The following CACNA1A variants were observed in gnomAD, a reference collection of about 807,000 sequenced individuals.
CACNA1A encodes calcium voltage-gated channel subunit alpha1 A.
In CACNA1A, 57 loss-of-function variants were observed where a neutral mutation model predicts 262.4. The ratio of observed to expected loss-of-function variants is 0.22; its 90% CI spans 0.18 to 0.27. The LOEUF (loss-of-function observed/expected upper bound fraction) is 0.27. CACNA1A is among the 10% of genes least tolerant of loss of function. The pLI is 1.00. For synonymous variants in CACNA1A, 1,431 were observed against 1,419.3 expected (o/e 1.01, Z -0.18); for missense variants, 2,526 against 3,562.8 (o/e 0.71, Z 7.41).
chr19:13,245,088 C>T lies in CACNA1A; in HGVS notation c.4950+94G>A, dbSNP rs16038. On this transcript the variant is annotated intron_variant, in intron 31 of 46. Coordinates refer to ENST00000360228, the MANE Select transcript of CACNA1A (RefSeq NM_001127222.2). Reference sequence around the variant, plus strand: ...TGCTGGCTCAAGCAGCTATGGCTTCCGGGACACACTGCCTCTGGGACCGCT... The same window carrying T: ...TGCTGGCTCAAGCAGCTATGGCTTCTGGGACACACTGCCTCTGGGACCGCT... 5.7e-4 allele frequency: 595 copies of T among 1,050,796 alleles called. 4 individuals are homozygous for T. In the African/African-American group the frequency reaches 7.6e-3, roughly 13 times the overall value. 65.1% of individuals were successfully genotyped at this position (1,050,796 alleles called of 1,614,324 possible).
chr19:13,330,414 G>A (rs1460629536), intron 9 of CACNA1A, 81 bp from the exon 10 acceptor site: 9 of 975,724 alleles, frequency 9.2e-6, no homozygotes, highest in Non-Finnish European at 1.4e-5. Flanking sequence ...TGTGTCCTTG[G>A]ATTTAACTCT....
intron 2 of CACNA1A, among the ~76,000 whole-genome samples, chr19:13,453,659 A>T (rs1167693944): frequency 6.6e-6 from 1 of 151,836 alleles, no homozygotes; most frequent in Non-Finnish European, 1.5e-5. Flanking sequence ...CCTCTGCAGA[A>T]CCTCCGGCTG....
In CACNA1A at chr19:13,235,653, G is replaced by A. The variant is rs1008281876; in HGVS notation, c.5028C>T (p.Thr1676=). 6.2e-7 allele frequency: 1 copy of A among 1,613,906 alleles called. No individual in the cohort carries two copies. The change falls in exon 32 of 47, where the codon ACC becomes ACT. Residue 1676 remains threonine, a synonymous_variant. Transcript: ENST00000360228. The part of the protein sequence containing the change: ...RLIKLLRQGY[T]IRILLWTFVQ... Reference sequence around the variant, plus strand: ...CAAAGGTCCAGAGAAGAATGCGGATGGTGTAACCCTGACGGAGAAGTTTGA... The same window carrying A: ...CAAAGGTCCAGAGAAGAATGCGGATAGTGTAACCCTGACGGAGAAGTTTGA...
chr19:13,490,775 GGAAAGGAAA>G (rs1157966397), intron 1 of CACNA1A, among the ~76,000 whole-genome samples: 9 of 136,620 alleles, frequency 6.6e-5, no homozygotes, highest in Admixed American at 4.4e-4. Flanking sequence ...GAGGAAGGAA[GGAAAGGAAA>G]GAAAGGAAAG....
chr19:13,278,138 A>G (rs2057194702), intron 22 of CACNA1A, among the ~76,000 whole-genome samples: 1 of 151,384 alleles, frequency 6.6e-6, no homozygotes, highest in Admixed American at 6.6e-5. Context: ...GCTGAGCATT[A>G]CTGAACATGG....
At chr19:13,252,753 A>G (rs1262867884) in intron 30 of CACNA1A, 6 of 318,108 alleles carry the variant, frequency 1.9e-5, no homozygotes, top group Non-Finnish European at 2.9e-5. Context: ...GACTCCCATC[A>G]TTTTGAGGAA....
chr19:13,268,263 C>A (rs1021285109), intron 24 of CACNA1A, among the ~76,000 whole-genome samples: 1 of 152,108 alleles, frequency 6.6e-6, no homozygotes, highest in African/African-American at 2.4e-5. Context: ...CAGCACCTAG[C>A]AGCTGGTCCT....
chr19:13,330,075 T>C (rs1268820756), intron 10 of CACNA1A, among the ~76,000 whole-genome samples, 169 bp downstream of exon 10: 1 of 152,146 alleles, frequency 6.6e-6, no homozygotes, highest in Non-Finnish European at 1.5e-5. Context: ...GGCACGGATG[T>C]TATTCCCATA....
chr19:13,230,987 G>GTT (rs1168337382), intron 35 of CACNA1A, among the ~76,000 whole-genome samples: 1 of 132,152 alleles, frequency 7.6e-6, no homozygotes, highest in Admixed American at 8.0e-5. Flanking sequence ...CCCTCGCAAT[G>GTT]TTTTTTTTTT....
In CACNA1A at chr19:13,235,273, G is replaced by T. The variant is rs2055835954; in HGVS notation, c.5069C>A (p.Ala1690Asp). ...LLWTFVQSFK[A>D]LPYVCLLIAM... ...GATCAGCAGACAGACATAAGGCAGGGCCTGGTGGGAAAAAAGGCAATGAAG... is the reference window on the plus strand; with the variant it reads ...GATCAGCAGACAGACATAAGGCAGGTCCTGGTGGGAAAAAAGGCAATGAAG... Residue 1690 changes from alanine to aspartate, a missense_variant and splice_region_variant, in exon 33 of 47, where the codon GCC becomes GAC. Physicochemically the swap from Ala to Asp is moderately radical, Grantham distance 126 (BLOSUM62 -2). Transcript: ENST00000360228. 1.3e-6 allele frequency: 2 copies of T among 1,588,146 alleles called. No individual in the cohort carries two copies. Among genetic ancestry groups the T allele is most frequent in the Admixed American group, 1.8e-5 (1 of 54,906 alleles).
intron 1 of CACNA1A, among the ~76,000 whole-genome samples, chr19:13,462,698 T>C (rs1179315617): frequency 1.3e-5 from 2 of 152,170 alleles, no homozygotes; most frequent in East Asian, 1.9e-4. Context: ...CAAGGTCACA[T>C]AGGAGGTACT....
chr19:13,489,873 T>C (rs1478418515), intron 1 of CACNA1A, among the ~76,000 whole-genome samples: 1 of 152,174 alleles, frequency 6.6e-6, no homozygotes, highest in African/African-American at 2.4e-5. Flanking sequence ...CTCAGTTGTA[T>C]CTCCTGTCAC....
chr19:13,409,093 G>A (rs1398610260), intron 3 of CACNA1A, among the ~76,000 whole-genome samples: 1 of 152,150 alleles, frequency 6.6e-6, no homozygotes, highest in Admixed American at 6.6e-5. Flanking sequence ...CATCTCCAGG[G>A]TTACCTTGCT....
intron 20 of CACNA1A, 145 bp from the exon 21 acceptor site, chr19:13,285,351 G>A: frequency 1.3e-6 from 1 of 795,790 alleles, no homozygotes. Context: ...TGACATCACT[G>A]AACCCTTGTA....
At chr19:13,278,677 C>T (rs896665917) in intron 22 of CACNA1A, among the ~76,000 whole-genome samples, 1 of 152,162 alleles carries the variant, frequency 6.6e-6, no homozygotes, top group African/African-American at 2.4e-5. Context: ...GTCACCATGG[C>T]GTCTCCAGCT....
chr19:13,227,418 A>T lies in CACNA1A; in HGVS notation c.5625+13T>A. 1 of 1,500,746 alleles carries T rather than the reference A, an allele frequency of 6.7e-7. No individual in the cohort carries two copies. The highest frequency in any genetic ancestry group is 9.1e-7 in the Non-Finnish European group (1 of 1,100,126). The allele number at this position is 1,500,746 out of a possible 1,614,324, so 93.0% of individuals were successfully genotyped here. On this transcript the variant is annotated intron_variant, in intron 37 of 46. Coordinates refer to ENST00000360228, the MANE Select transcript of CACNA1A (RefSeq NM_001127222.2). ...CAGTGCCTGGACGTCGGTGGTCGGC[A>T]AGGGTAGTCTACCTTGTAAGCCACT...
intron 24 of CACNA1A, among the ~76,000 whole-genome samples, chr19:13,268,995 G>A (rs1048677248): frequency 1.4e-5 from 2 of 147,688 alleles, no homozygotes; most frequent in Non-Finnish European, 3.0e-5. Context: ...CACCGCACCC[G>A]GCTTTATTTT....
rs930769444 is a variant in CACNA1A at position 13,208,644 on chromosome 19, C to T, written c.6780+112G>A. 12 of 1,345,686 alleles carry T rather than the reference C, an allele frequency of 8.9e-6. No individual in the cohort carries two copies. The Admixed American group carries it at 2.2e-4, about 25-fold the overall frequency. 83.4% of individuals were successfully genotyped at this position (1,345,686 alleles called of 1,614,324 possible). A position where few individuals can be genotyped will look rare whatever the true frequency, so the allele number is the denominator to read the frequency against. ...TTGGGGGCAGGATGGGAGGTGGTCACAGCCGGGATCCGGGGACCTTTGCCT... is the reference window on the plus strand; with the variant it reads ...TTGGGGGCAGGATGGGAGGTGGTCATAGCCGGGATCCGGGGACCTTTGCCT... On this transcript the variant is annotated intron_variant, in intron 46 of 46. Coordinates refer to ENST00000360228, the MANE Select transcript of CACNA1A (RefSeq NM_001127222.2).
intron 44 of CACNA1A, among the ~76,000 whole-genome samples, chr19:13,209,924 G>A (rs1047049229): frequency 2.0e-5 from 3 of 152,212 alleles, no homozygotes; most frequent in African/African-American, 7.2e-5. Flanking sequence ...TCTCCTGGGA[G>A]GGTGAGAAGC....
Sources: gnomAD v4.1 joint callset for allele counts (sites outside exome capture counted in the v4.1 genomes callset) on GRCh38, gnomAD v4.1.1 for gene constraint, MANE v1.5 for transcripts, NCBI Gene and HGNC (gene_info 2026-07-23, HGNC 2026-07-21) for gene names.